GRID2: variants seen among roughly 807,000 people sequenced by gnomAD.
The protein encoded by GRID2 is glutamate receptor ionotropic, delta-2.
A neutral mutation model predicts 114.8 loss-of-function variants in GRID2; 33 were observed. That is an observed-to-expected ratio of 0.29 (90% CI 0.22 to 0.38). The LOEUF (loss-of-function observed/expected upper bound fraction) is 0.38, where lower values mean the gene tolerates loss of function less well. GRID2 is among the 10% of genes least tolerant of loss of function. The probability of loss-of-function intolerance (pLI) is 1.00; values close to 1 mark genes in which losing one functional copy is unlikely to be tolerated. For synonymous variants in GRID2, 505 were observed against 449.9 expected (o/e 1.12, Z -1.55); for missense variants, 1,184 against 1,257.7 (o/e 0.94, Z 0.89).
chr4:92,530,212 G>C (rs1394830448), intron 1 of GRID2, among the ~76,000 whole-genome samples: 1 of 151,932 alleles, frequency 6.6e-6, no homozygotes, highest in African/African-American at 2.4e-5. Context: ...TAAAATAATA[G>C]ATCTAGGTGA....
At chr4:93,802,901 TAA>T (rs1734958575) in intron 1 of GRID2, among the ~76,000 whole-genome samples, 5 of 152,240 alleles carry the variant, frequency 3.3e-5, no homozygotes, top group Admixed American at 6.5e-5. Flanking sequence ...GTGTCCTGTT[TAA>T]AAGTGTAATG....
intron 1 of GRID2, among the ~76,000 whole-genome samples, chr4:92,454,150 A>G (rs528910480): frequency 1.2e-4 from 18 of 152,318 alleles, no homozygotes; most frequent in Admixed American, 1.0e-3. Flanking sequence ...ATTACTTACA[A>G]AATTTGAGTG....
At chr4:93,562,711 A>C (rs1158712910) in intron 13 of GRID2, among the ~76,000 whole-genome samples, 2 of 152,076 alleles carry the variant, frequency 1.3e-5, no homozygotes, top group Admixed American at 1.3e-4. Context: ...AATTTTGTGA[A>C]GGGAGCAAGG....
chr4:92,885,145 T>C (rs569943947), intron 2 of GRID2: 31 of 284,578 alleles, frequency 1.1e-4, no homozygotes, highest in African/African-American at 7.0e-4. Context: ...GCCTCTTGTG[T>C]AATCACTAAT....
intron 8 of GRID2, among the ~76,000 whole-genome samples, chr4:93,343,494 C>T (rs1414184058): frequency 6.6e-6 from 1 of 151,964 alleles, no homozygotes; most frequent in Non-Finnish European, 1.5e-5. Flanking sequence ...AAAAAAGATA[C>T]AGTGAAAGGG....
chr4:93,367,761 C>A (rs1393106859), intron 8 of GRID2, among the ~76,000 whole-genome samples: 4 of 152,058 alleles, frequency 2.6e-5, no homozygotes, highest in Non-Finnish European at 5.9e-5. Context: ...GAAATATAAG[C>A]TGGTTGAAAA....
intron 2 of GRID2, among the ~76,000 whole-genome samples, chr4:92,671,673 C>T (rs768556454): frequency 5.3e-5 from 8 of 151,840 alleles, no homozygotes; most frequent in South Asian, 2.1e-4. Flanking sequence ...GGAAGTGTTG[C>T]GTAAAAGTAG....
chr4:93,398,494 G>C (rs1040499963), intron 9 of GRID2, among the ~76,000 whole-genome samples: 4 of 151,698 alleles, frequency 2.6e-5, no homozygotes, highest in Admixed American at 6.6e-5. Flanking sequence ...TGACTTGAGA[G>C]TTGAAAATGC....
chr4:93,076,017 C>T (rs990210554), intron 2 of GRID2, among the ~76,000 whole-genome samples: 3 of 150,372 alleles, frequency 2.0e-5, no homozygotes, highest in East Asian at 2.0e-4. Flanking sequence ...CATTCTCCTG[C>T]CTCAGCCTCC....
Position 93,484,876 on chromosome 4 carries a change from A to G in GRID2, c.1859-5763A>G, listed in dbSNP as rs573478530. Among the ~76,000 whole-genome samples, 99 of 152,022 alleles carry G rather than the reference A, an allele frequency of 6.5e-4. No homozygotes were observed. The Middle Eastern group carries it at 0.02, about 31-fold the overall frequency. On this transcript the variant is annotated intron_variant, in intron 11 of 15. Coordinates refer to ENST00000282020, the MANE Select transcript of GRID2 (RefSeq NM_001510.4). ...GTTTGGGCTGTTTCCAGTTTAGACT[A>G]TTATGACAATGCTTCTACAAACATT... is the stretch of plus-strand genomic sequence containing the variant.
At chr4:93,443,639 G>A (rs963063257) in intron 10 of GRID2, among the ~76,000 whole-genome samples, 3 of 151,866 alleles carry the variant, frequency 2.0e-5, no homozygotes, top group African/African-American at 4.8e-5. Flanking sequence ...TCATGAGCAG[G>A]GTTGCAGCAC....
intron 4 of GRID2, among the ~76,000 whole-genome samples, chr4:93,190,854 A>G (rs1378885740): frequency 6.6e-6 from 1 of 152,054 alleles, no homozygotes; most frequent in East Asian, 1.9e-4. Context: ...TTATTCATAA[A>G]GCAAGTTTAA....
chr4:92,511,026 T>C (rs1034859547), intron 1 of GRID2, among the ~76,000 whole-genome samples: 9 of 151,904 alleles, frequency 5.9e-5, no homozygotes, highest in Admixed American at 5.9e-4. Context: ...ATAAGATTTA[T>C]TGTCTGTTTT....
At chr4:92,612,705 T>C (rs531616743) in intron 2 of GRID2, among the ~76,000 whole-genome samples, 1 of 151,516 alleles carries the variant, frequency 6.6e-6, no homozygotes, top group Admixed American at 6.6e-5. Flanking sequence ...CATTTTGATA[T>C]TGTGAACGGA....
At chr4:92,993,536 A>G (rs1755029284) in intron 2 of GRID2, among the ~76,000 whole-genome samples, 2 of 152,198 alleles carry the variant, frequency 1.3e-5, no homozygotes, top group African/African-American at 4.8e-5. Flanking sequence ...ACCCAAAATA[A>G]ATTAATGTTA....
intron 2 of GRID2, among the ~76,000 whole-genome samples, chr4:92,767,720 C>T (rs1738333459): frequency 6.6e-6 from 1 of 152,002 alleles, no homozygotes; most frequent in Non-Finnish European, 1.5e-5. Context: ...CACTGCACTC[C>T]AGTCTGGGCG....
intron 1 of GRID2, among the ~76,000 whole-genome samples, chr4:93,788,812 GA>G (rs1455837047): frequency 6.6e-6 from 1 of 152,148 alleles, no homozygotes; most frequent in Admixed American, 6.5e-5. Flanking sequence ...GCACCTACAT[GA>G]AGTGTACCAC....
At chr4:93,242,923 A>G (rs1017088957) in intron 8 of GRID2, among the ~76,000 whole-genome samples, 6 of 152,056 alleles carry the variant, frequency 3.9e-5, no homozygotes, top group African/African-American at 7.2e-5. Context: ...AGTGAATCAT[A>G]CACATTAGAT....
chr4:92,318,233 T>C (rs1422565734), intron 1 of GRID2, among the ~76,000 whole-genome samples: 1 of 150,676 alleles, frequency 6.6e-6, no homozygotes, highest in Non-Finnish European at 1.5e-5. Flanking sequence ...ACATTATTGA[T>C]GGTGTTTTAT....
Sources: gnomAD v4.1 joint callset for allele counts (sites outside exome capture counted in the v4.1 genomes callset) on GRCh38, gnomAD v4.1.1 for gene constraint, MANE v1.5 for transcripts, NCBI Gene and HGNC (gene_info 2026-07-23, HGNC 2026-07-21) for gene names.